The following IGF2R variants were observed in gnomAD, a reference collection of about 807,000 sequenced individuals.
IGF2R encodes insulin like growth factor 2 receptor, also known as cation-independent mannose-6-phosphate receptor.
A neutral mutation model predicts 270.6 loss-of-function variants in IGF2R; 91 were observed. That is an observed-to-expected ratio of 0.34 (90% CI 0.28 to 0.40). IGF2R has a LOEUF of 0.40. IGF2R is among the 10% of genes least tolerant of loss of function. IGF2R has a pLI of 1.00. For missense variants in IGF2R, 2,805 were observed against 3,188.3 expected (o/e 0.88, Z 2.90); for synonymous variants, 1,316 against 1,258.9 (o/e 1.05, Z -0.96).
At chr6:159,991,123 G>T in intron 1 of IGF2R, 61 bp from the exon 2 acceptor site, 1 of 1,497,312 alleles carries the variant, frequency 6.7e-7, no homozygotes, top group Non-Finnish European at 9.1e-7. Context: ...AATAAAACTA[G>T]AGAGAAGTTT....
chr6:159,994,152 A>G (rs1784018808), intron 2 of IGF2R, among the ~76,000 whole-genome samples: 1 of 151,308 alleles, frequency 6.6e-6, no homozygotes, highest in South Asian at 2.1e-4. Flanking sequence ...TGGTCTTTTC[A>G]GGATTTCTGT....
At chr6:159,977,931 G>A (rs1044922409) in intron 1 of IGF2R, among the ~76,000 whole-genome samples, 2 of 152,102 alleles carry the variant, frequency 1.3e-5, no homozygotes, top group African/African-American at 4.8e-5. Flanking sequence ...TAACCGTGTT[G>A]TAGGCTAGGT....
intron 1 of IGF2R, among the ~76,000 whole-genome samples, 200 bp downstream of exon 1, chr6:159,969,595 CG>C (rs1232804065): frequency 1.3e-5 from 2 of 152,078 alleles, no homozygotes; most frequent in African/African-American, 4.8e-5. Flanking sequence ...GCGGGGGGCG[CG>C]GGGGCACACG....
At chr6:160,028,681 C>G (rs886604552) in intron 6 of IGF2R, among the ~76,000 whole-genome samples, 6 of 152,108 alleles carry the variant, frequency 3.9e-5, no homozygotes, top group Admixed American at 6.5e-5. Flanking sequence ...GAAGAGAACC[C>G]CAGTTCAGTA....
chr6:159,982,223 T>G (rs1313603430), intron 1 of IGF2R, among the ~76,000 whole-genome samples: 1 of 152,210 alleles, frequency 6.6e-6, no homozygotes, highest in Non-Finnish European at 1.5e-5. Flanking sequence ...CTTGCTCCTC[T>G]TCCTTGCTGT....
At chr6:159,985,496 T>G (rs1459142105) in intron 1 of IGF2R, among the ~76,000 whole-genome samples, 1 of 152,212 alleles carries the variant, frequency 6.6e-6, no homozygotes, top group East Asian at 1.9e-4. Context: ...GCTGTGTGGG[T>G]GAGAGCCGTG....
intron 2 of IGF2R, among the ~76,000 whole-genome samples, chr6:159,999,543 A>G (rs1784098750): frequency 6.6e-6 from 1 of 152,178 alleles, no homozygotes; most frequent in Non-Finnish European, 1.5e-5. Context: ...GGGAGATCTG[A>G]ATGTGTGGCT....
rs1718402365 is a variant in IGF2R, at chr6:160,107,293, T to G, written c.*2209T>G. On this transcript the variant is annotated 3_prime_UTR_variant, in exon 48 of 48. Transcript: ENST00000356956. ...AGCCCTCTCTGTAAGGAGGGGCATA[T>G]GCAGGGACCTGCCCATCCCCTTGGT... 6.6e-6 allele frequency: 1 copy of G among 152,252 alleles called. No individual in the cohort carries two copies. The highest frequency in any genetic ancestry group is 2.4e-5 in the African/African-American group (1 of 41,468). 9.4% of individuals were successfully genotyped at this position (152,252 alleles called of 1,614,324 possible). A position where few individuals can be genotyped will look rare whatever the true frequency, so the allele number is the denominator to read the frequency against.
chr6:159,985,442 G>C (rs1207977794), intron 1 of IGF2R, among the ~76,000 whole-genome samples: 1 of 152,204 alleles, frequency 6.6e-6, no homozygotes, highest in East Asian at 1.9e-4. Flanking sequence ...GGGAGGGTTG[G>C]ATAATGGCAT....
At position 159,969,189 on chromosome 6, in the gene IGF2R, C is replaced by T; in HGVS notation, c.-58C>T. The T allele has an allele frequency of 1.0e-6, 1 of 960,258 alleles. No individual in the cohort carries two copies. Among genetic ancestry groups the T allele is most frequent in the Non-Finnish European group, 1.2e-6 (1 of 808,296 alleles). 59.5% of individuals were successfully genotyped at this position (960,258 alleles called of 1,614,324 possible). A position where few individuals can be genotyped will look rare whatever the true frequency, so the allele number is the denominator to read the frequency against. On this transcript the variant is annotated 5_prime_UTR_variant, in exon 1 of 48. Coordinates refer to ENST00000356956, the MANE Select transcript of IGF2R (RefSeq NM_000876.4). The stretch of plus-strand genomic sequence containing the variant: ...CGGCGCGACCCCGTCCCGGGCGCGG[C>T]CCCCAGCAGTCGCGCGCCGTTAGCC...
Position 160,040,658 on chromosome 6 carries a change from G to A in IGF2R, c.1414G>A (p.Asp472Asn). The change falls in exon 11 of 48, where the codon GAC becomes AAC. Residue 472 changes from aspartate (D) to asparagine (N), a missense_variant. Transcript: ENST00000356956. The part of the protein sequence containing the change: ...TEYACVKEKE[D>N]LLCGATDGKK... ...ATACGCCTGTGTTAAGGAGAAGGAA[G>A]ACCTCCTCTGCGGTGCCACCGACGG... 3 of 1,614,166 alleles carry A rather than the reference G, an allele frequency of 1.9e-6. No homozygotes were observed. The highest frequency in any genetic ancestry group is 2.5e-6 in the Non-Finnish European group (3 of 1,180,012).
chr6:160,101,735 C>G (rs1779489386), intron 45 of IGF2R, among the ~76,000 whole-genome samples: 1 of 152,250 alleles, frequency 6.6e-6, no homozygotes, highest in African/African-American at 2.4e-5. Context: ...TCGTTACACT[C>G]TTGAGTGTCA....
At chr6:160,051,787 C>A (rs1778202140) in intron 19 of IGF2R, among the ~76,000 whole-genome samples, 1 of 152,050 alleles carries the variant, frequency 6.6e-6, no homozygotes, top group Admixed American at 6.5e-5. Context: ...AGTGAGACCC[C>A]ATCTACAAAA....
At chr6:160,063,393 C>T in intron 26 of IGF2R, 22 bp from the exon 27 acceptor site, 1 of 1,586,640 alleles carries the variant, frequency 6.3e-7, no homozygotes, top group South Asian at 1.1e-5. Context: ...AGTTGCCCTT[C>T]ACTTCTTCCA....
intron 1 of IGF2R, among the ~76,000 whole-genome samples, chr6:159,980,216 A>AAGAAAGGAAGAAAGGAAGG (rs1562330567): frequency 4.8e-5 from 6 of 126,278 alleles, no homozygotes; most frequent in Admixed American, 8.8e-5. Context: ...AGAAAGAAAG[A>AAGAAAGGAAGAAAGGAAGG]AAGAAAGAAA....
chr6:159,985,544 C>G (rs1453125877), intron 1 of IGF2R, among the ~76,000 whole-genome samples: 2 of 152,224 alleles, frequency 1.3e-5, no homozygotes, highest in East Asian at 3.8e-4. Flanking sequence ...GTTTCCTTCT[C>G]AAGCCATCAG....
chr6:160,069,936 A>G lies in IGF2R; in HGVS notation c.4321A>G (p.Arg1441Gly). The change falls in exon 31 of 48, where the codon AGG becomes GGG. Residue 1441 changes from arginine (R) to glycine (G), a missense_variant. Physicochemically the swap from Arg to Gly is moderately radical, Grantham distance 125. This residue lies in a region of IGF2R where 1,851 missense variants were observed against 2,207.2 expected (regional missense o/e 0.84). Transcript: ENST00000356956. ...GSKPVNLGRVRDGPQWRDGII... is the reference protein window; with the variant it reads ...GSKPVNLGRVGDGPQWRDGII... ...CAAGCCCGTGAACCTCGGCAGGGTA[A>G]GGGACGGACCTCAGTGGAGAGATGG... 1 of 1,614,200 alleles carries G rather than the reference A, an allele frequency of 6.2e-7. No individual in the cohort carries two copies.
Position 160,063,454 on chromosome 6 carries a change from T to C in IGF2R, c.3710T>C (p.Leu1237Ser). ...GTGAAAGACCCAAGGCATGGCAACT[T>C]GTATGACCTGAAGCCCCTGGGCCTC... ...CEVKDPRHGN[L>S]YDLKPLGLND... The change falls in exon 27 of 48, where the codon TTG becomes TCG. Residue 1237 changes from leucine to serine, a missense_variant. Transcript: ENST00000356956. The C allele has an allele frequency of 6.2e-7, 1 of 1,612,956 alleles. No individual in the cohort carries two copies. Among genetic ancestry groups the C allele is most frequent in the Non-Finnish European group, 8.5e-7 (1 of 1,180,040 alleles).
intron 3 of IGF2R, among the ~76,000 whole-genome samples, chr6:160,009,815 G>A (rs1784305605): frequency 1.3e-5 from 2 of 152,194 alleles, no homozygotes; most frequent in South Asian, 4.1e-4. Flanking sequence ...AAGTCAGGTT[G>A]AGTGAAACTC....
Sources: allele counts gnomAD v4.1 joint callset (sites outside exome capture counted in the v4.1 genomes callset), GRCh38; gene constraint gnomAD v4.1.1; regional missense constraint gnomAD v4.1.1; transcripts MANE v1.5; gene names NCBI Gene and HGNC (gene_info 2026-07-23, HGNC 2026-07-21).